Variants in SLC22A31 observed in about 807,000 individuals in gnomAD.
SLC22A31 encodes putative solute carrier family 22 member 31.
Under a neutral mutation model 27.4 loss-of-function variants are expected in SLC22A31, and 42 were observed. That is an observed-to-expected ratio of 1.53 (90% CI 1.20 to 1.98). The LOEUF (loss-of-function observed/expected upper bound fraction) is 1.98. SLC22A31 is among the 30% of genes most tolerant of loss of function. SLC22A31 has a pLI of 0.00. For missense variants in SLC22A31, 593 were observed against 479.9 expected (o/e 1.24, Z -2.20); for synonymous variants, 290 against 230.8 (o/e 1.26, Z -2.33).
rs776781769 is a variant in SLC22A31 at position 89,199,165 on chromosome 16, G to A, written c.310C>T (p.Arg104Cys). The change falls in exon 4 of 9, where the codon CGC becomes TGC. Residue 104 changes from arginine (R) to cysteine (C), a missense_variant. Transcript: ENST00000682282. ...CCAGCCCCCATGGAGAAGGCCAGGC[G>A]GTGGGGAGGGTCACACAACTCCAGG... ...ARLELCDPPH[R>C]LAFSMGAGLF... is the part of the protein sequence containing the mutation. 3.0e-5 allele frequency: 46 copies of A among 1,530,672 alleles called. No homozygotes were observed. The highest frequency in any genetic ancestry group is 2.4e-4 in the South Asian group (20 of 83,726). The allele number at this position is 1,530,672 out of a possible 1,614,324, so 94.8% of individuals were successfully genotyped here.
rs1451047881 is a variant in SLC22A31, at chr16:89,198,243, C to T, written c.801G>A (p.Leu267=). 7 of 1,535,804 alleles carry T rather than the reference C, an allele frequency of 4.6e-6. No homozygotes were observed. Among genetic ancestry groups the T allele is most frequent in the South Asian group, 3.6e-5 (3 of 84,066 alleles). Residue 267 remains leucine (L), a synonymous_variant, in exon 7 of 9, where the codon CTG becomes CTA. Coordinates refer to ENST00000682282, the MANE Select transcript of SLC22A31 (RefSeq NM_001384763.1). The stretch of plus-strand genomic sequence containing the variant: ...GCAGGAAGACCAAGGCTGCCGCCTC[C>T]AGGCCGGCCTCCAGGAAGTAGGGCA... ...FYLPYFLEAG[L]EAAALVFLLL... is the part of the protein sequence containing the mutation.
rs1312634867 is a variant in SLC22A31, at chr16:89,197,357, G to C, written c.975C>G (p.Ser325=). The change falls in exon 8 of 9, where the codon TCC becomes TCG. Residue 325 remains serine (S), a synonymous_variant. Coordinates refer to ENST00000682282, the MANE Select transcript of SLC22A31 (RefSeq NM_001384763.1). The part of the protein sequence containing the change: ...LFLSVLGLLA[S]RAVSALSSLF... ...GGCTGCTGAGTGCGGACACAGCCCG[G>C]GAGGCCAGGAGCCCCAGGACAGAGA... is the stretch of plus-strand genomic sequence containing the variant. 2.0e-6 allele frequency: 3 copies of C among 1,535,858 alleles called. No individual in the cohort carries two copies. The highest frequency in any genetic ancestry group is 2.6e-6 in the Non-Finnish European group (3 of 1,146,830).
At chr16:89,198,997 G>C (rs547960560) in intron 4 of SLC22A31, 26 bp downstream of exon 4, 2 of 1,531,000 alleles carry the variant, frequency 1.3e-6, no homozygotes, top group African/African-American at 2.7e-5. Context: ...GATGAGGGCT[G>C]CTGGCCCAGC....
intron 8 of SLC22A31, 171 bp from the exon 9 acceptor site, chr16:89,196,476 G>T: frequency 1.4e-5 from 18 of 1,275,912 alleles, no homozygotes; most frequent in Non-Finnish European, 1.8e-5. Context: ...CTCTGTGGGA[G>T]AGAGTGCGTT....
In SLC22A31 at chr16:89,199,805, C is replaced by T. The variant is rs1357948418; in HGVS notation, c.36G>A (p.Val12=). The T allele has an allele frequency of 1.5e-5, 6 of 402,848 alleles. No individual in the cohort carries two copies. Among genetic ancestry groups the T allele is most frequent in the Non-Finnish European group, 2.6e-5 (6 of 227,584 alleles). 25.0% of individuals were successfully genotyped at this position (402,848 alleles called of 1,614,324 possible). The part of the protein sequence containing the change: ...PHQLSQNWNL[V]CGDGWKVPLE... ...GCGGGACCTTCCAGCCGTCTCCACA[C>T]ACAAGGTTCCACTATGGGGAACAGC... Residue 12 remains valine, a synonymous_variant, in exon 2 of 9, where the codon GTG becomes GTA. Transcript: ENST00000682282.
chr16:89,198,625 C>A (rs1035646672), intron 5 of SLC22A31, 27 bp downstream of exon 5: 26 of 1,530,162 alleles, frequency 1.7e-5, no homozygotes, highest in Non-Finnish European at 2.3e-5. Context: ...GTACCTGAAT[C>A]TCCCTCCTCC....
In SLC22A31 at chr16:89,198,685, C is replaced by T. The variant is rs1916229581; in HGVS notation, c.565G>A (p.Asp189Asn). 2 of 1,535,558 alleles carry T rather than the reference C, an allele frequency of 1.3e-6. No homozygotes were observed. The highest frequency in any genetic ancestry group is 2.0e-5 in the Admixed American group (1 of 50,978). Residue 189 changes from aspartate to asparagine, a missense_variant, in exon 5 of 9, where the codon GAC (aspartate) becomes AAC (asparagine). By Grantham distance (23) the Asp-to-Asn change is conservative. Transcript: ENST00000682282. Reference protein sequence around the residue: ...FAEASGVGPGDSSLEENSLAT... With the variant: ...FAEASGVGPGNSSLEENSLAT... ...AGGGAGTTCTCCTCCAAGGAACTGT[C>T]CCCGGGGCCCACGCCACTGGCTTCT...
intron 4 of SLC22A31, 41 bp from the exon 5 acceptor site, chr16:89,198,838 C>T: frequency 6.6e-7 from 1 of 1,512,362 alleles, no homozygotes; most frequent in Non-Finnish European, 8.8e-7. Context: ...CCTCCACCTC[C>T]TCCTGGAAGG....
At position 89,198,515 on chromosome 16, in the gene SLC22A31, G is replaced by A. The variant is rs1282082023; in HGVS notation, c.634C>T (p.Arg212Trp). ...AGAAGCCCCAGTGGGGAGTGGTACC[G>A]GGGCTGGGGGCTCCGTGCAGACAGC... ...TMLSARSPQP[R>W]YHSPLGLLRT... Residue 212 changes from arginine (R) to tryptophan (W), a missense_variant, in exon 6 of 9, where the codon CGG becomes TGG. By Grantham distance (101) the Arg-to-Trp change is moderately radical. Coordinates refer to ENST00000682282, the MANE Select transcript of SLC22A31 (RefSeq NM_001384763.1). 30 of 1,510,782 alleles carry A rather than the reference G, an allele frequency of 2.0e-5. No individual in the cohort carries two copies. Among genetic ancestry groups the A allele is most frequent in the Middle Eastern group, 1.7e-4 (1 of 5,850 alleles). The allele number at this position is 1,510,782 out of a possible 1,614,324, so 93.6% of individuals were successfully genotyped here. A position where few individuals can be genotyped will look rare whatever the true frequency, so the allele number is the denominator to read the frequency against.
In SLC22A31 at chr16:89,197,365, G is replaced by T. The variant is rs1468828182; in HGVS notation, c.967C>A (p.Leu323Met). ...TVLFLSVLGL[L>M]ASRAVSALSS... The stretch of plus-strand genomic sequence containing the variant: ...AGTGCGGACACAGCCCGGGAGGCCA[G>T]GAGCCCCAGGACAGAGAGGAACAGC... Residue 323 changes from leucine (L) to methionine (M), a missense_variant, in exon 8 of 9, where the codon CTG (leucine) becomes ATG (methionine). By Grantham distance (15) the Leu-to-Met change is conservative. Transcript: ENST00000682282. The T allele has an allele frequency of 2.0e-6, 3 of 1,535,888 alleles. No homozygotes were observed. The highest frequency in any genetic ancestry group is 2.6e-6 in the Non-Finnish European group (3 of 1,146,834).
chr16:89,196,720 G>A (rs994718338), intron 8 of SLC22A31, among the ~76,000 whole-genome samples: 26 of 152,178 alleles, frequency 1.7e-4, no homozygotes, highest in Non-Finnish European at 7.3e-5. Flanking sequence ...GGCCAAGGCA[G>A]GCGGATCATG....
chr16:89,198,173 C>G lies in SLC22A31; in HGVS notation c.871G>C (p.Gly291Arg), dbSNP rs1186690976. The G allele has an allele frequency of 6.5e-7, 1 of 1,535,204 alleles. No individual in the cohort carries two copies. The highest frequency in any genetic ancestry group is 2.0e-5 in the Admixed American group (1 of 50,980). ...GATGCCAGGCCTGTGACCATGGTGC[C>G]CAGCAGCAGCACGGGGCGGCGTCCA... ...CCGRRPVLLL[G>R]TMVTGLASLL... The change falls in exon 7 of 9, where the codon GGC (glycine) becomes CGC (arginine). Residue 291 changes from glycine to arginine, a missense_variant. Physicochemically the swap from Gly to Arg is moderately radical, Grantham distance 125. Transcript: ENST00000682282.
At chr16:89,200,620 C>G (rs1401743270), upstream of SLC22A31, among the ~76,000 whole-genome samples, 1 of 152,068 alleles carries the variant, frequency 6.6e-6, no homozygotes, top group African/African-American at 2.4e-5. Flanking sequence ...TGTGGCAACC[C>G]CGTTCCAGTT....
chr16:89,198,366 G>A (rs1916182849), intron 6 of SLC22A31, 30 bp from the exon 7 acceptor site: 7 of 1,535,010 alleles, frequency 4.6e-6, no homozygotes, highest in African/African-American at 1.4e-5. Context: ...TATGGGCCCA[G>A]CCAGAGCCGG....
chr16:89,201,052 T>G, upstream of SLC22A31: 1 of 364,782 alleles, frequency 2.7e-6, no homozygotes, highest in Admixed American at 4.6e-5. Flanking sequence ...AGGCCCAGAT[T>G]CAGCCCCCGC....
At position 89,197,356 on chromosome 16, in the gene SLC22A31, G is replaced by A. The variant is rs1040180519; in HGVS notation, c.976C>T (p.Arg326Trp). ...AGGCTGCTGAGTGCGGACACAGCCC[G>A]GGAGGCCAGGAGCCCCAGGACAGAG... ...FLSVLGLLAS[R>W]AVSALSSLFA... is the part of the protein sequence containing the mutation. Residue 326 changes from arginine to tryptophan, a missense_variant, in exon 8 of 9, where the codon CGG (arginine) becomes TGG (tryptophan). Coordinates refer to ENST00000682282, the MANE Select transcript of SLC22A31 (RefSeq NM_001384763.1). 5.9e-6 allele frequency: 9 copies of A among 1,535,834 alleles called. No homozygotes were observed. Among genetic ancestry groups the A allele is most frequent in the South Asian group, 1.2e-5 (1 of 84,046 alleles).
intron 8 of SLC22A31, 55 bp downstream of exon 8, chr16:89,197,243 C>T (rs1916033238): frequency 1.4e-6 from 2 of 1,382,286 alleles, no homozygotes; most frequent in Non-Finnish European, 2.0e-6. Context: ...CTGGCCCCTC[C>T]TCCCCATGAG....
chr16:89,198,819 C>G, intron 4 of SLC22A31, 22 bp from the exon 5 acceptor site: 3 of 1,519,528 alleles, frequency 2.0e-6, no homozygotes, highest in Non-Finnish European at 2.6e-6. Flanking sequence ...GTGAGGATGC[C>G]CACGGCTCCC....
chr16:89,196,601 A>C (rs1915951049), intron 8 of SLC22A31, among the ~76,000 whole-genome samples: 1 of 152,202 alleles, frequency 6.6e-6, no homozygotes, highest in Admixed American at 6.5e-5. Context: ...TAATTTGAAA[A>C]ATTGTTTTGG....
Sources: gnomAD v4.1 joint callset for allele counts (sites outside exome capture counted in the v4.1 genomes callset) on GRCh38, gnomAD v4.1.1 for gene constraint, MANE v1.5 for transcripts, NCBI Gene and HGNC (gene_info 2026-07-23, HGNC 2026-07-21) for gene names.